EPHA3: variants seen among roughly 807,000 people sequenced by gnomAD.
EPHA3 encodes the protein EPH receptor A3.
Under a neutral mutation model 107.1 loss-of-function variants are expected in EPHA3, and 42 were observed. The ratio of observed to expected loss-of-function variants is 0.39; its 90% CI spans 0.31 to 0.51. The LOEUF is 0.51. Ranked by LOEUF, EPHA3 falls within the 20% of genes least tolerant of loss-of-function variation. The pLI, the probability that EPHA3 is intolerant of heterozygous loss-of-function variation, is 0.78. For synonymous variants in EPHA3, 461 were observed against 424.8 expected (o/e 1.09, Z -1.05); for missense variants, 1,183 against 1,211.2 (o/e 0.98, Z 0.35).
At chr3:89,174,443 A>C (rs1705276702) in intron 2 of EPHA3, among the ~76,000 whole-genome samples, 1 of 152,142 alleles carries the variant, frequency 6.6e-6, no homozygotes. Context: ...CAATGAGCTT[A>C]TTATCTGTTA....
At chr3:89,278,727 A>G (rs1261589091) in intron 3 of EPHA3, among the ~76,000 whole-genome samples, 2 of 152,228 alleles carry the variant, frequency 1.3e-5, no homozygotes, top group African/African-American at 2.4e-5. Flanking sequence ...AGATTTGTAT[A>G]TATAAGCTAT....
chr3:89,270,493 C>T (rs1319397619), intron 3 of EPHA3, among the ~76,000 whole-genome samples: 1 of 152,048 alleles, frequency 6.6e-6, no homozygotes, highest in Non-Finnish European at 1.5e-5. Context: ...TGTCTTATTT[C>T]CTTAAGGAGA....
chr3:89,207,433 G>A (rs980221567), intron 2 of EPHA3, among the ~76,000 whole-genome samples: 4 of 152,140 alleles, frequency 2.6e-5, no homozygotes, highest in African/African-American at 9.7e-5. Flanking sequence ...TTGACCTCAT[G>A]CGATGGACCA....
intron 2 of EPHA3, among the ~76,000 whole-genome samples, chr3:89,194,258 T>C (rs1314292717): frequency 6.6e-6 from 1 of 152,034 alleles, no homozygotes; most frequent in Non-Finnish European, 1.5e-5. Flanking sequence ...TCTAAAATTA[T>C]AGTAATACTA....
At chr3:89,283,882 T>C (rs1049482703) in intron 3 of EPHA3, among the ~76,000 whole-genome samples, 7 of 152,088 alleles carry the variant, frequency 4.6e-5, no homozygotes, top group African/African-American at 1.4e-4. Context: ...GTCTTCTCTT[T>C]ATTTTTTAAA....
intron 1 of EPHA3, among the ~76,000 whole-genome samples, chr3:89,115,500 G>T (rs1346420889): frequency 6.6e-6 from 1 of 152,140 alleles, no homozygotes; most frequent in Non-Finnish European, 1.5e-5. Context: ...AGCTTGGTGG[G>T]TGGATGATCC....
intron 3 of EPHA3, among the ~76,000 whole-genome samples, chr3:89,314,296 T>C (rs1352643591): frequency 1.3e-5 from 2 of 151,986 alleles, no homozygotes; most frequent in Admixed American, 6.6e-5. Flanking sequence ...TTCTGATCAG[T>C]ATTTTAGGTT....
At chr3:89,265,713 C>G (rs1705522135) in intron 3 of EPHA3, among the ~76,000 whole-genome samples, 1 of 151,952 alleles carries the variant, frequency 6.6e-6, no homozygotes, top group African/African-American at 2.4e-5. Flanking sequence ...GTGCAGACAT[C>G]AAGGAGTAAG....
At chr3:89,301,266 T>C (rs1706482404) in intron 3 of EPHA3, among the ~76,000 whole-genome samples, 1 of 152,128 alleles carries the variant, frequency 6.6e-6, no homozygotes, top group South Asian at 2.1e-4. Flanking sequence ...GTAGGACGAA[T>C]GTACAGCCTT....
chr3:89,424,279 A>G (rs751645552), intron 11 of EPHA3, among the ~76,000 whole-genome samples: 17 of 151,404 alleles, frequency 1.1e-4, no homozygotes, highest in South Asian at 2.1e-4. Context: ...ATTAATAGGT[A>G]ATAAGAAAGT....
chr3:89,222,334 T>TATAC (rs1296706248), intron 3 of EPHA3, among the ~76,000 whole-genome samples: 1 of 109,092 alleles, frequency 9.2e-6, no homozygotes, highest in East Asian at 2.4e-4. Context: ...TACATATATA[T>TATAC]ATATATATAT....
chr3:89,119,168 T>C (rs1707321551), intron 1 of EPHA3, among the ~76,000 whole-genome samples: 1 of 152,110 alleles, frequency 6.6e-6, no homozygotes, highest in African/African-American at 2.4e-5. Flanking sequence ...GAAATAGTTC[T>C]TGTTAAGCAC....
chr3:89,139,726 T>C (rs556987939), intron 2 of EPHA3, among the ~76,000 whole-genome samples: 1 of 151,800 alleles, frequency 6.6e-6, no homozygotes, highest in Admixed American at 6.6e-5. Flanking sequence ...GAGGCTCAAG[T>C]AGGCTTAGTG....
intron 5 of EPHA3, among the ~76,000 whole-genome samples, chr3:89,354,502 A>G (rs1707902478): frequency 6.6e-6 from 1 of 151,068 alleles, no homozygotes; most frequent in Admixed American, 6.6e-5. Flanking sequence ...TTCTTAAGTG[A>G]CTTTATAGAT....
chr3:89,325,363 C>A (rs1303200671), intron 3 of EPHA3, among the ~76,000 whole-genome samples: 1 of 152,140 alleles, frequency 6.6e-6, no homozygotes, highest in Admixed American at 6.6e-5. Context: ...CCATTCTTGA[C>A]TCAGTTTAAT....
chr3:89,210,914 GTTAT>G (rs1180585769), intron 3 of EPHA3, among the ~76,000 whole-genome samples: 1 of 152,000 alleles, frequency 6.6e-6, no homozygotes, highest in Non-Finnish European at 1.5e-5. Flanking sequence ...TACTGTGGTG[GTTAT>G]TTATGCTGGT....
intron 1 of EPHA3, among the ~76,000 whole-genome samples, chr3:89,108,401 T>C (rs990896479): frequency 1.2e-4 from 19 of 152,212 alleles, no homozygotes; most frequent in African/African-American, 4.6e-4. Flanking sequence ...TGGTTTGCTC[T>C]ATGGTACAGG....
chr3:89,250,902 A>G (rs1421635361), intron 3 of EPHA3, among the ~76,000 whole-genome samples: 1 of 152,170 alleles, frequency 6.6e-6, no homozygotes, highest in African/African-American at 2.4e-5. Context: ...ATAAGACTGT[A>G]AACTTCACAA....
Position 89,479,714 on chromosome 3 carries a change from A to G in EPHA3, c.*212A>G. On this transcript the variant is annotated 3_prime_UTR_variant, in exon 17 of 17. Transcript: ENST00000336596. ...TGGGTGGGTGGGGTATTTTTTTGTA[A>G]TTGCTTTTTTAAATATTAGTTAATG... The G allele has an allele frequency of 2.1e-6, 1 of 480,876 alleles. No homozygotes were observed. Among genetic ancestry groups the G allele is most frequent in the Non-Finnish European group, 3.7e-6 (1 of 270,200 alleles). The allele number at this position is 480,876 out of a possible 1,614,324, so 29.8% of individuals were successfully genotyped here. A position where few individuals can be genotyped will look rare whatever the true frequency, so the allele number is the denominator to read the frequency against.
Sources: allele counts gnomAD v4.1 joint callset (sites outside exome capture counted in the v4.1 genomes callset), GRCh38; gene constraint gnomAD v4.1.1; transcripts MANE v1.5; gene names NCBI Gene and HGNC (gene_info 2026-07-23, HGNC 2026-07-21).